RORB: variants seen among roughly 807,000 people sequenced by gnomAD.
The protein encoded by RORB is nuclear receptor ROR-beta.
In RORB, 6 loss-of-function variants were observed where a neutral mutation model predicts 59.1. The ratio of observed to expected loss-of-function variants is 0.10; its 90% CI spans 0.06 to 0.20. The LOEUF (loss-of-function observed/expected upper bound fraction) is 0.20, where lower values mean the gene tolerates loss of function less well. Ranked by LOEUF, RORB falls within the 10% of genes least tolerant of loss-of-function variation. The probability of loss-of-function intolerance (pLI) is 1.00; values close to 1 mark genes in which losing one functional copy is unlikely to be tolerated. For missense variants in RORB, 320 were observed against 560.5 expected (o/e 0.57, Z 4.33); for synonymous variants, 215 against 204.5 (o/e 1.05, Z -0.44).
At chr9:74,566,661 G>T (rs1266900681) in intron 1 of RORB, among the ~76,000 whole-genome samples, 1 of 152,138 alleles carries the variant, frequency 6.6e-6, no homozygotes, top group Non-Finnish European at 1.5e-5. Flanking sequence ...GCTGGGTGTG[G>T]TGGCATGCAC....
At chr9:74,679,638 T>C (rs1171032332) in intron 9 of RORB, among the ~76,000 whole-genome samples, 1 of 152,164 alleles carries the variant, frequency 6.6e-6, no homozygotes, top group Non-Finnish European at 1.5e-5. Flanking sequence ...GCAGGTTTCG[T>C]TGAGGAACTC....
chr9:74,658,446 A>G (rs1024530871), intron 4 of RORB, among the ~76,000 whole-genome samples: 2 of 152,222 alleles, frequency 1.3e-5, no homozygotes, highest in Non-Finnish European at 2.9e-5. Flanking sequence ...TTGATATCAG[A>G]AGGCCAGAGA....
At chr9:74,637,355 C>T (rs77956998) in intron 3 of RORB, among the ~76,000 whole-genome samples, 1,801 of 152,300 alleles carry the variant, frequency 0.012, 19 homozygotes, top group Admixed American at 0.026. Context: ...CCTGAAATTT[C>T]ACTGCTATAT....
intron 3 of RORB, among the ~76,000 whole-genome samples, chr9:74,640,363 C>G (rs1174961270): frequency 6.6e-6 from 1 of 152,112 alleles, no homozygotes; most frequent in African/African-American, 2.4e-5. Context: ...GCCTCAGCCT[C>G]CCGAGTAGCT....
chr9:74,554,026 C>G (rs1360296384), intron 1 of RORB, among the ~76,000 whole-genome samples: 1 of 152,098 alleles, frequency 6.6e-6, no homozygotes, highest in African/African-American at 2.4e-5. Flanking sequence ...TTGGAGATCG[C>G]GAATTCTCAG....
At chr9:74,684,293 T>C (rs969863329) in intron 9 of RORB, among the ~76,000 whole-genome samples, 2 of 152,248 alleles carry the variant, frequency 1.3e-5, no homozygotes, top group African/African-American at 4.8e-5. Context: ...CTGAAATGGA[T>C]TCTTGTTATT....
intron 1 of RORB, among the ~76,000 whole-genome samples, chr9:74,618,741 G>A (rs981657661): frequency 6.6e-6 from 1 of 151,844 alleles, no homozygotes; most frequent in Non-Finnish European, 1.5e-5. Flanking sequence ...ACTTTTGCTC[G>A]TGTGTGTGTG....
At chr9:74,571,522 T>G (rs2118228003) in intron 1 of RORB, among the ~76,000 whole-genome samples, 1 of 152,318 alleles carries the variant, frequency 6.6e-6, no homozygotes, top group Non-Finnish European at 1.5e-5. Flanking sequence ...TTATCGTTGT[T>G]AAAAGAATTT....
At chr9:74,629,161 C>T in intron 1 of RORB, among the ~76,000 whole-genome samples, 1 of 151,746 alleles carries the variant, frequency 6.6e-6, no homozygotes, top group East Asian at 2.0e-4. Flanking sequence ...ACATCTTCCT[C>T]TCCATTTATC....
chr9:74,617,730 C>T (rs1823336419), intron 1 of RORB, among the ~76,000 whole-genome samples: 1 of 152,152 alleles, frequency 6.6e-6, no homozygotes, highest in Non-Finnish European at 1.5e-5. Flanking sequence ...TAAGAGGGAG[C>T]TTCTAGAGTG....
At chr9:74,586,798 C>G (rs532749990) in intron 1 of RORB, among the ~76,000 whole-genome samples, 7 of 152,086 alleles carry the variant, frequency 4.6e-5, no homozygotes, top group Non-Finnish European at 8.8e-5. Context: ...AGAGCATGTG[C>G]CAGTATCACT....
chr9:74,671,171 G>T (rs1824339229), intron 8 of RORB, among the ~76,000 whole-genome samples: 2 of 151,608 alleles, frequency 1.3e-5, no homozygotes, highest in African/African-American at 4.8e-5. Flanking sequence ...AGAAAGGAGG[G>T]AAGGAAGAAA....
intron 4 of RORB, among the ~76,000 whole-genome samples, chr9:74,658,852 TA>T (rs1228515399): frequency 6.6e-6 from 1 of 152,224 alleles, no homozygotes; most frequent in Non-Finnish European, 1.5e-5. Flanking sequence ...TAGGATTTTT[TA>T]AAGAAAGGAT....
intron 3 of RORB, among the ~76,000 whole-genome samples, chr9:74,641,150 CA>C (rs1181161163): frequency 6.6e-6 from 1 of 152,162 alleles, no homozygotes; most frequent in African/African-American, 2.4e-5. Context: ...TGGTAGCCCC[CA>C]CTATTAACAT....
At chr9:74,671,725 T>A in intron 8 of RORB, 64 bp from the exon 9 acceptor site, 1 of 918,420 alleles carries the variant, frequency 1.1e-6, no homozygotes, top group African/African-American at 1.7e-5. Context: ...TTGGCACTTA[T>A]GTATGTGGGT....
At chr9:74,666,948 G>A (rs1187106200) in intron 7 of RORB, among the ~76,000 whole-genome samples, 2 of 152,202 alleles carry the variant, frequency 1.3e-5, no homozygotes. Flanking sequence ...ACCAAAGAAG[G>A]CCACTGCCCT....
At chr9:74,505,651 G>T (rs1356347831) in intron 1 of RORB, among the ~76,000 whole-genome samples, 1 of 152,018 alleles carries the variant, frequency 6.6e-6, no homozygotes, top group Non-Finnish European at 1.5e-5. Flanking sequence ...TTTGAGATGG[G>T]CCTCTAAAGA....
chr9:74,580,948 C>A (rs1055190347), intron 1 of RORB, among the ~76,000 whole-genome samples: 1 of 152,114 alleles, frequency 6.6e-6, no homozygotes, highest in Non-Finnish European at 1.5e-5. Flanking sequence ...AATCTCCAGA[C>A]GTGAATGAAG....
chr9:74,608,792 C>G (rs1823189218), intron 1 of RORB, among the ~76,000 whole-genome samples: 1 of 152,124 alleles, frequency 6.6e-6, no homozygotes, highest in Non-Finnish European at 1.5e-5. Context: ...TTCTACGTTG[C>G]ACAAAAATTA....
Sources: allele counts gnomAD v4.1 joint callset (sites outside exome capture counted in the v4.1 genomes callset), GRCh38; gene constraint gnomAD v4.1.1; transcripts MANE v1.5; gene names NCBI Gene and HGNC (gene_info 2026-07-23, HGNC 2026-07-21).